EPHA6: variants seen among roughly 807,000 people sequenced by gnomAD.
EPHA6 encodes the protein ephrin type-A receptor 6.
A neutral mutation model predicts 112.0 loss-of-function variants in EPHA6; 50 were observed. The ratio of observed to expected loss-of-function variants is 0.45; its 90% confidence interval spans 0.36 to 0.56. The LOEUF is 0.56. Ranked by LOEUF, EPHA6 falls within the 20% of genes least tolerant of loss-of-function variation. EPHA6 has a pLI of 0.00. For synonymous variants in EPHA6, 529 were observed against 490.7 expected, an observed-to-expected ratio of 1.08 and a Z score of -1.03; for missense variants, 1,280 against 1,417.4, an observed-to-expected ratio of 0.90 and a Z score of 1.56.
chr3:96,928,403 T>G (rs992741415), intron 2 of EPHA6, among the ~76,000 whole-genome samples: 34 of 152,196 alleles, frequency 2.2e-4, no homozygotes, highest in African/African-American at 8.0e-4. Context: ...CAGGAGCAGG[T>G]TGTTCAATTT....
chr3:97,313,558 G>C (rs573092256), intron 5 of EPHA6, among the ~76,000 whole-genome samples: 1 of 151,522 alleles, frequency 6.6e-6, no homozygotes, highest in South Asian at 2.1e-4. Flanking sequence ...TCTTTAGTCT[G>C]CTTTTGATAC....
At chr3:97,028,862 T>A (rs1336936493) in intron 3 of EPHA6, among the ~76,000 whole-genome samples, 1 of 151,980 alleles carries the variant, frequency 6.6e-6, no homozygotes, top group African/African-American at 2.4e-5. Context: ...TAATTCTTGA[T>A]CTGTTAAATG....
intron 3 of EPHA6, among the ~76,000 whole-genome samples, chr3:97,168,427 T>C (rs185883199): frequency 7.4e-4 from 113 of 152,200 alleles, no homozygotes; most frequent in African/African-American, 2.6e-3. Context: ...CCTAGTGCTG[T>C]CTCATGATAG....
chr3:97,665,750 G>C (rs1191833037), intron 14 of EPHA6, among the ~76,000 whole-genome samples: 1 of 152,120 alleles, frequency 6.6e-6, no homozygotes, highest in African/African-American at 2.4e-5. Context: ...TGGGTCACAT[G>C]GTCCACCATT....
intron 5 of EPHA6, among the ~76,000 whole-genome samples, chr3:97,361,317 G>T (rs961558975): frequency 6.6e-6 from 1 of 152,098 alleles, no homozygotes; most frequent in African/African-American, 2.4e-5. Context: ...TGAGTCTTTT[G>T]CAAAAATGAT....
intron 5 of EPHA6, among the ~76,000 whole-genome samples, chr3:97,313,126 T>A (rs1423933506): frequency 6.6e-6 from 1 of 151,512 alleles, no homozygotes; most frequent in African/African-American, 2.4e-5. Context: ...TTCGATGAGA[T>A]CAATATTTTT....
intron 2 of EPHA6, among the ~76,000 whole-genome samples, chr3:96,900,258 C>T (rs1312904718): frequency 6.6e-6 from 1 of 152,080 alleles, no homozygotes; most frequent in South Asian, 2.1e-4. Context: ...TGTTTCATAG[C>T]CATTGAACTA....
intron 2 of EPHA6, among the ~76,000 whole-genome samples, chr3:96,912,826 A>C (rs2039285449): frequency 6.6e-6 from 1 of 152,046 alleles, no homozygotes; most frequent in Non-Finnish European, 1.5e-5. Flanking sequence ...TTCTGAACTC[A>C]AGTGATCCTC....
At chr3:96,959,942 T>C (rs1464744958) in intron 2 of EPHA6, among the ~76,000 whole-genome samples, 1 of 152,112 alleles carries the variant, frequency 6.6e-6, no homozygotes, top group Non-Finnish European at 1.5e-5. Flanking sequence ...AAGAAAATTA[T>C]AGGCATAGCT....
Position 97,549,646 on chromosome 3 carries a change from A to T in EPHA6, c.2386+17103A>T, listed in dbSNP as rs532955398. ...GGCCAAAGCAAAAAGTTTGTTTACA[A>T]TGTTGAAATAAAAGGCTGGTGGGCA... On this transcript the variant is annotated intron_variant, in intron 11 of 17. Transcript: ENST00000389672. 2.6e-5 allele frequency among the ~76,000 whole-genome samples: 4 copies of T among 152,128 alleles called. No homozygotes were observed. In the South Asian group the frequency reaches 8.3e-4, roughly 32 times the overall value.
chr3:96,852,613 A>T (rs904150286), intron 1 of EPHA6, among the ~76,000 whole-genome samples: 1 of 151,918 alleles, frequency 6.6e-6, no homozygotes, highest in African/African-American at 2.4e-5. Context: ...AAAAAAAAAA[A>T]AAAAAAAACT....
At chr3:97,463,094 A>G (rs1326444314) in intron 7 of EPHA6, among the ~76,000 whole-genome samples, 1 of 152,186 alleles carries the variant, frequency 6.6e-6, no homozygotes, top group East Asian at 1.9e-4. Flanking sequence ...ACAAAAAAAG[A>G]TGAATTTTTA....
At chr3:97,067,705 G>A (rs1203850653) in intron 3 of EPHA6, among the ~76,000 whole-genome samples, 7 of 151,954 alleles carry the variant, frequency 4.6e-5, no homozygotes, top group Non-Finnish European at 1.0e-4. Flanking sequence ...GTAGAATGAG[G>A]AACAAGAATA....
intron 3 of EPHA6, among the ~76,000 whole-genome samples, chr3:97,092,456 T>C (rs2047102981): frequency 6.6e-6 from 1 of 152,094 alleles, no homozygotes; most frequent in Non-Finnish European, 1.5e-5. Context: ...GTCTTAGGCC[T>C]GAGCGAAAAT....
chr3:97,546,671 G>A (rs906608057), intron 11 of EPHA6, among the ~76,000 whole-genome samples: 3 of 152,148 alleles, frequency 2.0e-5, no homozygotes, highest in Admixed American at 2.0e-4. Flanking sequence ...TTCCAACTTG[G>A]TTCCATTCTC....
At chr3:96,824,497 A>C (rs1576061008) in intron 1 of EPHA6, among the ~76,000 whole-genome samples, 1 of 151,946 alleles carries the variant, frequency 6.6e-6, no homozygotes, top group East Asian at 1.9e-4. Context: ...TTTTTCTGGA[A>C]TTCTCAAACT....
intron 3 of EPHA6, among the ~76,000 whole-genome samples, chr3:97,194,953 A>C (rs2077401314): frequency 6.6e-6 from 1 of 151,950 alleles, no homozygotes; most frequent in Admixed American, 6.6e-5. Context: ...GTGGCTTTAC[A>C]CGTGAAGTGT....
At chr3:97,083,538 A>G (rs1439344436) in intron 3 of EPHA6, among the ~76,000 whole-genome samples, 1 of 151,802 alleles carries the variant, frequency 6.6e-6, no homozygotes, top group Non-Finnish European at 1.5e-5. Flanking sequence ...TTAGCTTTCT[A>G]TTTCCACCTA....
intron 2 of EPHA6, among the ~76,000 whole-genome samples, chr3:96,974,052 T>C (rs1454318637): frequency 6.9e-6 from 1 of 145,820 alleles, no homozygotes. Flanking sequence ...TAAATATATA[T>C]AATAAAATTA....
Sources: allele counts gnomAD v4.1 joint callset (sites outside exome capture counted in the v4.1 genomes callset), GRCh38; gene constraint gnomAD v4.1.1; transcripts MANE v1.5; gene names NCBI Gene and HGNC (gene_info 2026-07-23, HGNC 2026-07-21).